Variants in MYO5A observed in about 807,000 individuals in gnomAD.
MYO5A encodes myosin VA.
In MYO5A, 98 loss-of-function variants were observed where a neutral mutation model predicts 249.7. The ratio of observed to expected loss-of-function variants is 0.39; its 90% confidence interval spans 0.33 to 0.46. The LOEUF is 0.46. Ranked by LOEUF, MYO5A falls within the 20% of genes least tolerant of loss-of-function variation. MYO5A has a pLI of 0.98. For synonymous variants in MYO5A, 778 were observed against 810.6 expected (o/e 0.96, Z 0.68); for missense variants, 1,696 against 2,308.8 (o/e 0.73, Z 5.44).
chr15:52,361,826 C>T (rs558337183), intron 24 of MYO5A, among the ~76,000 whole-genome samples: 69 of 152,318 alleles, frequency 4.5e-4, no homozygotes, highest in African/African-American at 1.5e-3. Context: ...TGGATCATCA[C>T]GTTCTCCTTC....
At position 52,346,436 on chromosome 15, in the gene MYO5A, A is replaced by G; in HGVS notation, c.3884T>C (p.Leu1295Pro). 1 of 1,601,900 alleles carries G rather than the reference A, an allele frequency of 6.2e-7. No homozygotes were observed. The highest frequency in any genetic ancestry group is 1.3e-5 in the African/African-American group (1 of 74,806). The part of the protein sequence containing the change: ...DKNTMTDSTI[L>P]LEDVQKMKDK... Reference sequence around the variant, plus strand: ...TTTCATTTTTTGTACATCTTCCAAAAGTATTGTGGAATCTGTCATTGTATT... The same window carrying G: ...TTTCATTTTTTGTACATCTTCCAAAGGTATTGTGGAATCTGTCATTGTATT... The change falls in exon 30 of 42, where the codon CTT becomes CCT. Residue 1295 changes from leucine to proline, a missense_variant. This residue lies in a region of MYO5A where 625 missense variants were observed against 908.1 expected (regional missense o/e 0.69). Transcript: ENST00000399233.
chr15:52,475,564 T>A (rs1411636802), intron 1 of MYO5A, among the ~76,000 whole-genome samples: 1 of 152,238 alleles, frequency 6.6e-6, no homozygotes, highest in Non-Finnish European at 1.5e-5. Context: ...TTTGAATGTG[T>A]CCCAGAGATT....
At chr15:52,413,149 A>G (rs978754409) in intron 5 of MYO5A, among the ~76,000 whole-genome samples, 6 of 139,862 alleles carry the variant, frequency 4.3e-5, no homozygotes, top group South Asian at 2.4e-4. Flanking sequence ...CTCTGTCTCA[A>G]AAAAAAAAAA....
chr15:52,483,649 C>A (rs1019936329), intron 1 of MYO5A, among the ~76,000 whole-genome samples: 3 of 152,160 alleles, frequency 2.0e-5, no homozygotes, highest in African/African-American at 7.2e-5. Flanking sequence ...AAAAACATGT[C>A]CCACTCCCCA....
chr15:52,327,894 C>G lies in MYO5A; in HGVS notation c.4668G>C (p.Ser1556=). ...DYLNDDQKVR[S]LLTSTINSIK... is the part of the protein sequence containing the mutation. ...TGCTGTTAATTGTTGATGTTAGCAA[C>G]GACCTTACTTTCTGATCATCATTCA... is the stretch of plus-strand genomic sequence containing the variant. Residue 1556 remains serine (S), a synonymous_variant, in exon 36 of 42, where the codon TCG becomes TCC. Coordinates refer to ENST00000399233, the MANE Select transcript of MYO5A (RefSeq NM_001382347.1). 1 of 1,613,948 alleles carries G rather than the reference C, an allele frequency of 6.2e-7. No individual in the cohort carries two copies.
intron 1 of MYO5A, among the ~76,000 whole-genome samples, chr15:52,459,793 G>C (rs986597470): frequency 6.6e-6 from 1 of 151,948 alleles, no homozygotes. Context: ...GCCGGGCAGA[G>C]GGGCTCCTCA....
intron 9 of MYO5A, among the ~76,000 whole-genome samples, chr15:52,404,122 G>C (rs2042886944): frequency 6.6e-6 from 1 of 152,020 alleles, no homozygotes; most frequent in African/African-American, 2.4e-5. Context: ...AAAATTAGCT[G>C]GGCATGGTGG....
At chr15:52,401,838 A>G (rs2042771719) in intron 9 of MYO5A, among the ~76,000 whole-genome samples, 1 of 152,158 alleles carries the variant, frequency 6.6e-6, no homozygotes, top group Admixed American at 6.5e-5. Context: ...TACTGTTTCA[A>G]GTGCTCTGTC....
chr15:52,515,825 C>A (rs924671099), intron 1 of MYO5A, among the ~76,000 whole-genome samples: 4 of 151,998 alleles, frequency 2.6e-5, no homozygotes, highest in African/African-American at 7.3e-5. Flanking sequence ...CTGGATCAGG[C>A]CACAGTGGGA....
At chr15:52,361,441 A>C (rs956025023) in intron 24 of MYO5A, among the ~76,000 whole-genome samples, 2 of 152,224 alleles carry the variant, frequency 1.3e-5, no homozygotes, top group African/African-American at 4.8e-5. Flanking sequence ...TTAAGGCATT[A>C]ATAGAAGCAA....
chr15:52,311,179 G>T lies in MYO5A; in HGVS notation c.*2517C>A. The T allele has an allele frequency of 6.6e-6, 1 of 152,428 alleles. No individual in the cohort carries two copies. The highest frequency in any genetic ancestry group is 1.5e-5 in the Non-Finnish European group (1 of 68,108). 9.4% of individuals were successfully genotyped at this position (152,428 alleles called of 1,614,324 possible). A position where few individuals can be genotyped will look rare whatever the true frequency, so the allele number is the denominator to read the frequency against. On this transcript the variant is annotated 3_prime_UTR_variant, in exon 42 of 42. Transcript: ENST00000399233. ...CATGAGCTGTCCGGAGTAAAAAAAA[G>T]GGCTGCATGGCAGTGACAGCTACAG... is the stretch of plus-strand genomic sequence containing the variant.
At chr15:52,406,691 T>G (rs560796833) in intron 8 of MYO5A, among the ~76,000 whole-genome samples, 1 of 152,192 alleles carries the variant, frequency 6.6e-6, no homozygotes, top group Non-Finnish European at 1.5e-5. Context: ...GATTAATTTA[T>G]TCACATGAAG....
chr15:52,338,725 G>A (rs2039240424), intron 32 of MYO5A, among the ~76,000 whole-genome samples: 1 of 151,992 alleles, frequency 6.6e-6, no homozygotes, highest in South Asian at 2.1e-4. Context: ...TCTATTTTTT[G>A]TATTAGCTAT....
At chr15:52,315,053 G>T (rs1039027027) in intron 40 of MYO5A, among the ~76,000 whole-genome samples, 1 of 152,200 alleles carries the variant, frequency 6.6e-6, no homozygotes, top group Non-Finnish European at 1.5e-5. Flanking sequence ...CTGAATTAGG[G>T]ATCAGTCTCT....
intron 1 of MYO5A, among the ~76,000 whole-genome samples, chr15:52,528,402 G>T (rs2077763636): frequency 6.6e-6 from 1 of 152,190 alleles, no homozygotes; most frequent in Admixed American, 6.5e-5. Flanking sequence ...GAACCCATCC[G>T]ATCTACTGGA....
In MYO5A at chr15:52,312,459, T is replaced by C. The variant is rs1359643753; in HGVS notation, c.*1237A>G. On this transcript the variant is annotated 3_prime_UTR_variant, in exon 42 of 42. Coordinates refer to ENST00000399233, the MANE Select transcript of MYO5A (RefSeq NM_001382347.1). ...TGCAATCTCCGCCTCCCAGGTTTAA[T>C]CGATTCTCGTGCCTCAGCCTCCCGA... is the stretch of plus-strand genomic sequence containing the variant. 1.3e-5 allele frequency: 2 copies of C among 152,112 alleles called. No homozygotes were observed. Among genetic ancestry groups the C allele is most frequent in the African/African-American group, 2.4e-5 (1 of 41,422 alleles). 9.4% of individuals were successfully genotyped at this position (152,112 alleles called of 1,614,324 possible).
At chr15:52,376,102 T>G (rs1567065794) in intron 19 of MYO5A, among the ~76,000 whole-genome samples, 1 of 152,200 alleles carries the variant, frequency 6.6e-6, no homozygotes, top group Non-Finnish European at 1.5e-5. Context: ...TATAAAAGTA[T>G]CAAAAATAAA....
intron 25 of MYO5A, among the ~76,000 whole-genome samples, chr15:52,358,008 G>A (rs2040331520): frequency 6.6e-6 from 1 of 152,194 alleles, no homozygotes; most frequent in African/African-American, 2.4e-5. Flanking sequence ...CCTTCCCAGA[G>A]GTGAAAGGTG....
intron 1 of MYO5A, among the ~76,000 whole-genome samples, chr15:52,457,355 A>C (rs988475489): frequency 1.3e-5 from 2 of 150,426 alleles, no homozygotes; most frequent in African/African-American, 4.9e-5. Context: ...GCTTGAGCCC[A>C]GGGAGGTTAA....
Sources: gnomAD v4.1 joint callset for allele counts (sites outside exome capture counted in the v4.1 genomes callset) on GRCh38, gnomAD v4.1.1 for gene constraint, gnomAD v4.1.1 regional missense constraint, MANE v1.5 for transcripts, NCBI Gene and HGNC (gene_info 2026-07-23, HGNC 2026-07-21) for gene names.